ITGAM: variants seen among roughly 807,000 people sequenced by gnomAD.
ITGAM encodes the protein integrin alpha-M.
A neutral mutation model predicts 137.5 loss-of-function variants in ITGAM; 79 were observed. The observed-to-expected ratio is 0.57, with a 90% CI of 0.48 to 0.69. ITGAM has a LOEUF of 0.69. Among genes scored for constraint, ITGAM ranks in the 30% least tolerant of loss-of-function variants. The probability of loss-of-function intolerance (pLI) is 0.00; values close to 1 mark genes in which losing one functional copy is unlikely to be tolerated. For synonymous variants in ITGAM, 583 were observed against 592.3 expected (o/e 0.98, Z 0.23); for missense variants, 1,343 against 1,483.5 (o/e 0.91, Z 1.56).
At chr16:31,273,767 C>T (rs890403070) in intron 8 of ITGAM, 1 of 357,080 alleles carries the variant, frequency 2.8e-6, no homozygotes, top group East Asian at 5.8e-5. Flanking sequence ...TGGCCTTCCT[C>T]ACTGTCATTA....
chr16:31,328,318 G>C, intron 23 of ITGAM, 88 bp downstream of exon 23: 1 of 1,004,744 alleles, frequency 1.0e-6, no homozygotes, highest in Non-Finnish European at 1.6e-6. Context: ...CTGTGCATGT[G>C]TGTGTGTGTG....
chr16:31,317,212 G>A (rs1425050194), intron 14 of ITGAM, among the ~76,000 whole-genome samples: 2 of 152,130 alleles, frequency 1.3e-5, no homozygotes, highest in East Asian at 1.9e-4. Context: ...TCACCACTGG[G>A]TATGATGTTA....
intron 12 of ITGAM, among the ~76,000 whole-genome samples, chr16:31,294,608 T>C (rs933868065): frequency 6.6e-6 from 1 of 152,178 alleles, no homozygotes; most frequent in African/African-American, 2.4e-5. Flanking sequence ...GATTAGATTT[T>C]TGATGTGCTG....
At chr16:31,322,395 G>A (rs774547255) in intron 16 of ITGAM, among the ~76,000 whole-genome samples, 12 of 152,176 alleles carry the variant, frequency 7.9e-5, no homozygotes, top group Non-Finnish European at 1.5e-4. Context: ...AAATGTTAGA[G>A]AGTAGGGAAT....
Position 31,320,254 on chromosome 16 carries a change from C to T in ITGAM, c.1708-987C>T, listed in dbSNP as rs148166538. ...ATGCACTCTATACTTTTATTCCCCACTACACGTTTTACGTTATTGATTCAC... is the reference window on the plus strand; with the variant it reads ...ATGCACTCTATACTTTTATTCCCCATTACACGTTTTACGTTATTGATTCAC... On this transcript the variant is annotated intron_variant, in intron 14 of 29. Coordinates refer to ENST00000544665, the MANE Select transcript of ITGAM (RefSeq NM_000632.4). Among the ~76,000 whole-genome samples, 3 of 152,312 alleles carry T rather than the reference C, an allele frequency of 2.0e-5. No individual in the cohort carries two copies. In the East Asian group the frequency reaches 5.8e-4, roughly 29 times the overall value.
intron 12 of ITGAM, among the ~76,000 whole-genome samples, chr16:31,295,698 G>A (rs2080126092): frequency 6.6e-6 from 1 of 150,862 alleles, no homozygotes; most frequent in South Asian, 2.1e-4. Flanking sequence ...ATCTGATTTG[G>A]GTCTCTTTCA....
At position 31,325,284 on chromosome 16, in the gene ITGAM, T is replaced by G. The variant is rs1222535685; in HGVS notation, c.2385T>G (p.Gly795=). ...SFMSLDCLVV[G]GPREFNVTVT... Reference sequence around the variant, plus strand: ...ACAGCCTGGACTGCCTCGTGGTGGGTGGGCCCCGGGAGTTCAACGTGACAG... The same window carrying G: ...ACAGCCTGGACTGCCTCGTGGTGGGGGGGCCCCGGGAGTTCAACGTGACAG... The change falls in exon 20 of 30, where the codon GGT becomes GGG. Residue 795 remains glycine, a synonymous_variant. Coordinates refer to ENST00000544665, the MANE Select transcript of ITGAM (RefSeq NM_000632.4). The G allele has an allele frequency of 1.2e-6, 2 of 1,613,022 alleles. No homozygotes were observed. The highest frequency in any genetic ancestry group is 2.7e-5 in the African/African-American group (2 of 74,898).
At chr16:31,309,380 T>C (rs530095135) in intron 14 of ITGAM, among the ~76,000 whole-genome samples, 1 of 119,068 alleles carries the variant, frequency 8.4e-6, no homozygotes, top group East Asian at 2.3e-4. Context: ...TTCTTCTTGT[T>C]GAATTGATCC....
chr16:31,270,103 A>ATCCTTCCTTCCTTCCTTCCT (rs371263313), intron 5 of ITGAM, among the ~76,000 whole-genome samples: 67 of 140,128 alleles, frequency 4.8e-4, no homozygotes, highest in African/African-American at 1.8e-3. Context: ...TATCTGGCAA[A>ATCCTTCCTTCCTTCCTTCCT]TCCTTCCTTC....
chr16:31,285,510 A>T (rs1305517488), intron 12 of ITGAM, among the ~76,000 whole-genome samples: 1 of 152,080 alleles, frequency 6.6e-6, no homozygotes, highest in South Asian at 2.1e-4. Context: ...TGGCGTGTGC[A>T]TCTGTAATCC....
intron 14 of ITGAM, among the ~76,000 whole-genome samples, chr16:31,314,246 T>A (rs908331234): frequency 6.6e-6 from 1 of 152,226 alleles, no homozygotes; most frequent in Non-Finnish European, 1.5e-5. Flanking sequence ...AGATCTCATT[T>A]GTCAATTTTG....
At chr16:31,327,035 C>G in intron 22 of ITGAM, 100 bp downstream of exon 22, 1 of 887,874 alleles carries the variant, frequency 1.1e-6, no homozygotes, top group East Asian at 2.4e-5. Flanking sequence ...GTTCTCCCTT[C>G]AACTCATTTG....
At chr16:31,309,914 C>G (rs2080306909) in intron 14 of ITGAM, among the ~76,000 whole-genome samples, 2 of 152,028 alleles carry the variant, frequency 1.3e-5, no homozygotes, top group African/African-American at 4.8e-5. Context: ...ACTTATGAAG[C>G]TTAGTTTGGC....
rs1379317828 is a variant in ITGAM, at chr16:31,275,719, T to C, written c.1009+20T>C. 6.8e-6 allele frequency: 11 copies of C among 1,613,082 alleles called. No individual in the cohort carries two copies. The highest frequency in any genetic ancestry group is 8.5e-7 in the Non-Finnish European group (1 of 1,179,494). The stretch of plus-strand genomic sequence containing the variant: ...TCGAGGGTGAGTCAGGCATCTGTGT[T>C]CCCAGAGCAGCTCCAGAGGCAGCCC... On this transcript the variant is annotated intron_variant, in intron 9 of 29. Coordinates refer to ENST00000544665, the MANE Select transcript of ITGAM (RefSeq NM_000632.4).
rs770413656 is a variant in ITGAM, at chr16:31,321,226, C to CT, written c.1708-9dup. 2 of 1,613,654 alleles carry CT rather than the reference C, an allele frequency of 1.2e-6. No individual in the cohort carries two copies. Among genetic ancestry groups the CT allele is most frequent in the Non-Finnish European group, 1.7e-6 (2 of 1,179,810 alleles). On this transcript the variant is annotated splice_polypyrimidine_tract_variant and intron_variant, in intron 14 of 29. Coordinates refer to ENST00000544665, the MANE Select transcript of ITGAM (RefSeq NM_000632.4). ...CCTACCCCTTTCTCTCTCCACACCT[C>CT]TTTTTTACCCTCAGCGGATAGCAGG...
At chr16:31,306,285 C>T (rs1228503738) in intron 14 of ITGAM, among the ~76,000 whole-genome samples, 2 of 152,050 alleles carry the variant, frequency 1.3e-5, no homozygotes, top group African/African-American at 4.8e-5. Context: ...AATTTTAGCT[C>T]CTCCTCCATC....
chr16:31,265,461 C>G lies in ITGAM; in HGVS notation c.201C>G (p.Asp67Glu), dbSNP rs901842724. ...ANQRGSLYQC[D>E]YSTGSCEPIR... ...AAAGGGGCAGCCTCTACCAGTGCGA[C>G]TACAGCACAGGCTCATGCGAGCCCA... is the stretch of plus-strand genomic sequence containing the variant. Residue 67 changes from aspartate to glutamate, a missense_variant, in exon 3 of 30, where the codon GAC (aspartate) becomes GAG (glutamate). Physicochemically the swap from Asp to Glu is conservative, Grantham distance 45. Coordinates refer to ENST00000544665, the MANE Select transcript of ITGAM (RefSeq NM_000632.4). 2 of 1,607,038 alleles carry G rather than the reference C, an allele frequency of 1.2e-6. No individual in the cohort carries two copies. Among genetic ancestry groups the G allele is most frequent in the African/African-American group, 2.7e-5 (2 of 74,772 alleles).
chr16:31,328,856 GAGGGT>G, intron 23 of ITGAM: 12 of 389,858 alleles, frequency 3.1e-5, no homozygotes, highest in Non-Finnish European at 5.7e-5. Flanking sequence ...GCATGTGTGT[GAGGGT>G]CTATGTGCAT....
At chr16:31,268,500 A>G (rs1268621860) in intron 5 of ITGAM, among the ~76,000 whole-genome samples, 1 of 152,074 alleles carries the variant, frequency 6.6e-6, no homozygotes, top group Non-Finnish European at 1.5e-5. Context: ...CATCTCTACA[A>G]AAAATGCAAT....
Sources: gnomAD v4.1 joint callset for allele counts (sites outside exome capture counted in the v4.1 genomes callset) on GRCh38, gnomAD v4.1.1 for gene constraint, MANE v1.5 for transcripts, NCBI Gene and HGNC (gene_info 2026-07-23, HGNC 2026-07-21) for gene names.